The following SYT6 variants were observed in gnomAD, a reference collection of about 807,000 sequenced individuals.
SYT6 encodes synaptotagmin-6.
In SYT6, 24 loss-of-function variants were observed where a neutral mutation model predicts 38.4. The ratio of observed to expected loss-of-function variants is 0.62; its 90% confidence interval spans 0.45 to 0.88. SYT6 has a LOEUF of 0.88. SYT6 is among the 40% of genes least tolerant of loss of function. The pLI, the probability that SYT6 is intolerant of heterozygous loss-of-function variation, is 0.00. For missense variants in SYT6, 611 were observed against 621.0 expected (o/e 0.98, Z 0.17); for synonymous variants, 265 against 241.9 (o/e 1.10, Z -0.89).
At chr1:114,109,880 GA>G (rs1444395990) in intron 3 of SYT6, among the ~76,000 whole-genome samples, 2 of 152,194 alleles carry the variant, frequency 1.3e-5, no homozygotes, top group Non-Finnish European at 2.9e-5. Context: ...ATTTCTAGCA[GA>G]AAAAAGTAAG....
intron 3 of SYT6, among the ~76,000 whole-genome samples, chr1:114,120,341 G>A (rs12732493): frequency 0.11 from 17,192 of 152,086 alleles, 1,032 homozygotes; most frequent in South Asian, 0.23. Context: ...CTTAATGGAC[G>A]CTGAATTCTG....
intron 3 of SYT6, among the ~76,000 whole-genome samples, chr1:114,108,553 C>A (rs1487827330): frequency 6.6e-6 from 1 of 152,158 alleles, no homozygotes; most frequent in Non-Finnish European, 1.5e-5. Flanking sequence ...CTCAAGGTCC[C>A]TGTCAGCCAT....
At chr1:114,120,615 G>A (rs1677330241) in intron 3 of SYT6, among the ~76,000 whole-genome samples, 1 of 152,202 alleles carries the variant, frequency 6.6e-6, no homozygotes. Flanking sequence ...TACTTGCTGT[G>A]CAACCTCAGA....
chr1:114,108,281 G>A (rs1357706770), intron 3 of SYT6, among the ~76,000 whole-genome samples: 1 of 152,164 alleles, frequency 6.6e-6, no homozygotes, highest in Non-Finnish European at 1.5e-5. Flanking sequence ...GCACAACACT[G>A]TGCTCCCTGG....
In SYT6 at chr1:114,151,792, G is replaced by A. The variant is rs773263883; in HGVS notation, c.163+1818C>T. 1.6e-4 allele frequency among the ~76,000 whole-genome samples: 24 copies of A among 152,254 alleles called. 1 individual carries two copies. Among genetic ancestry groups the A allele is most frequent in the Non-Finnish European group, 1.3e-4 (9 of 68,006 alleles). On this transcript the variant is annotated intron_variant, in intron 1 of 7. Coordinates refer to ENST00000610222, the MANE Select transcript of SYT6 (RefSeq NM_001253772.2). ...AAAATTCTGTGTCTGGTGTGTATGC[G>A]TGGTGTAGGAGGGGATGGCACCAGA...
chr1:114,121,352 T>G (rs905644494), intron 3 of SYT6, among the ~76,000 whole-genome samples: 2 of 152,194 alleles, frequency 1.3e-5, no homozygotes, highest in African/African-American at 4.8e-5. Flanking sequence ...ACTCCACATC[T>G]TCCCTTCTTT....
In SYT6 at chr1:114,137,399, G is replaced by A. The variant is rs992755132; in HGVS notation, c.1071+96C>T. 5.7e-6 allele frequency: 8 copies of A among 1,392,260 alleles called. No individual in the cohort carries two copies. In the Admixed American group the frequency reaches 1.3e-4, roughly 22 times the overall value. 86.2% of individuals were successfully genotyped at this position (1,392,260 alleles called of 1,614,324 possible). On this transcript the variant is annotated intron_variant, in intron 3 of 7. Coordinates refer to ENST00000610222, the MANE Select transcript of SYT6 (RefSeq NM_001253772.2). ...CCTCTTCACATCCCAAATGGCAAAG[G>A]CCCATTTGTCTCTAGGAAGTGAGGG...
intron 3 of SYT6, among the ~76,000 whole-genome samples, chr1:114,131,532 T>A (rs1678152203): frequency 6.6e-6 from 1 of 152,202 alleles, no homozygotes; most frequent in Admixed American, 6.5e-5. Flanking sequence ...GTTGTAAGCA[T>A]CCTGAACTGG....
At position 114,109,365 on chromosome 1, in the gene SYT6, A is replaced by C. The variant is rs571339921; in HGVS notation, c.1072-5644T>G. On this transcript the variant is annotated intron_variant, in intron 3 of 7. Transcript: ENST00000610222. ...CCTGATGTGTAGTAAGTGCTCAGCA[A>C]ATACTGGCTAATGAACAAATGGTTG... is the stretch of plus-strand genomic sequence containing the variant. Among the ~76,000 whole-genome samples, 296 of 152,324 alleles carry C rather than the reference A, an allele frequency of 1.9e-3. 1 individual carries two copies. The highest frequency in any genetic ancestry group is 7.0e-3 in the African/African-American group (290 of 41,564).
In SYT6 at chr1:114,104,075, C is replaced by T. The variant is rs965236862; in HGVS notation, c.1072-354G>A. ...TTTGTGGCCTCTTCCTGTTCTCCTCCAGCCCACCCTTCTCAGTCACTGACC... is the reference window on the plus strand; with the variant it reads ...TTTGTGGCCTCTTCCTGTTCTCCTCTAGCCCACCCTTCTCAGTCACTGACC... On this transcript the variant is annotated intron_variant, in intron 3 of 7. Coordinates refer to ENST00000610222, the MANE Select transcript of SYT6 (RefSeq NM_001253772.2). 2.0e-5 allele frequency among the ~76,000 whole-genome samples: 3 copies of T among 152,334 alleles called. No homozygotes were observed. The East Asian group carries it at 5.8e-4, about 29-fold the overall frequency.
intron 6 of SYT6, 122 bp from the exon 7 acceptor site, chr1:114,093,925 T>G (rs1675474119): frequency 1.1e-6 from 1 of 905,270 alleles, no homozygotes. Flanking sequence ...TTAACAGACC[T>G]TCATTTTAGG....
intron 3 of SYT6, among the ~76,000 whole-genome samples, chr1:114,128,173 C>T (rs754957886): frequency 3.5e-4 from 54 of 152,228 alleles, no homozygotes; most frequent in Non-Finnish European, 4.7e-4. Flanking sequence ...CACACCTTTA[C>T]ACCCACTGGG....
intron 3 of SYT6, among the ~76,000 whole-genome samples, chr1:114,115,248 T>G (rs1380575511): frequency 1.3e-5 from 2 of 152,302 alleles, no homozygotes; most frequent in East Asian, 3.9e-4. Flanking sequence ...CAACCATTGC[T>G]TTTGTCTAGT....
At chr1:114,115,548 C>CT (rs764317365) in intron 3 of SYT6, among the ~76,000 whole-genome samples, 60 of 151,862 alleles carry the variant, frequency 4.0e-4, no homozygotes, top group Non-Finnish European at 8.4e-4. Context: ...TCCCGAGTAG[C>CT]TGGGATTACA....
At chr1:114,147,949 T>C (rs183622817) in intron 1 of SYT6, among the ~76,000 whole-genome samples, 114 of 152,276 alleles carry the variant, frequency 7.5e-4, no homozygotes, top group African/African-American at 2.6e-3. Context: ...AAGCTAAGTC[T>C]TTGAGGCAGG....
chr1:114,118,415 A>G (rs977421036), intron 3 of SYT6, among the ~76,000 whole-genome samples: 1 of 152,230 alleles, frequency 6.6e-6, no homozygotes, highest in African/African-American at 2.4e-5. Flanking sequence ...AGGCCCAGGG[A>G]GAAGCCGAGG....
intron 5 of SYT6, among the ~76,000 whole-genome samples, chr1:114,098,788 A>G (rs1477823230): frequency 1.3e-5 from 2 of 152,226 alleles, no homozygotes; most frequent in Non-Finnish European, 2.9e-5. Context: ...GGCATTTCAA[A>G]GGCCAGATAA....
At chr1:114,131,663 T>C (rs1678164729) in intron 3 of SYT6, among the ~76,000 whole-genome samples, 1 of 152,190 alleles carries the variant, frequency 6.6e-6, no homozygotes, top group South Asian at 2.1e-4. Flanking sequence ...TTACCTTCCT[T>C]TCCATAGCCC....
intron 5 of SYT6, among the ~76,000 whole-genome samples, chr1:114,098,446 T>A (rs1179029242): frequency 2.6e-5 from 4 of 152,170 alleles, no homozygotes; most frequent in Non-Finnish European, 4.4e-5. Context: ...CCAGAGTAGT[T>A]GAAAAATGTT....
Sources: gnomAD v4.1 joint callset for allele counts (sites outside exome capture counted in the v4.1 genomes callset) on GRCh38, gnomAD v4.1.1 for gene constraint, MANE v1.5 for transcripts, NCBI Gene and HGNC (gene_info 2026-07-23, HGNC 2026-07-21) for gene names.